Variants in CACNB2 observed in about 807,000 individuals in gnomAD.
CACNB2 encodes calcium voltage-gated channel auxiliary subunit beta 2.
Under a neutral mutation model 73.3 loss-of-function variants are expected in CACNB2, and 42 were observed. That is an observed-to-expected ratio of 0.57 (90% CI 0.45 to 0.74). The LOEUF (loss-of-function observed/expected upper bound fraction) is 0.74. Ranked by LOEUF, CACNB2 falls within the 30% of genes least tolerant of loss-of-function variation. CACNB2 has a pLI of 0.00. For synonymous variants in CACNB2, 348 were observed against 310.3 expected (o/e 1.12, Z -1.28); for missense variants, 940 against 853.0 (o/e 1.10, Z -1.27).
At chr10:18,463,598 G>GT (rs1431867553) in intron 3 of CACNB2, among the ~76,000 whole-genome samples, 1 of 145,182 alleles carries the variant, frequency 6.9e-6, no homozygotes, top group Non-Finnish European at 1.5e-5. Context: ...TTTTTTTGTT[G>GT]TTTTTTGTTT....
At chr10:18,267,757 T>C (rs967755038) in intron 2 of CACNB2, among the ~76,000 whole-genome samples, 2 of 152,228 alleles carry the variant, frequency 1.3e-5, no homozygotes, top group African/African-American at 4.8e-5. Flanking sequence ...TTCAGGGTCA[T>C]GGGACCCTCT....
intron 2 of CACNB2, among the ~76,000 whole-genome samples, chr10:18,153,968 C>T (rs2031821882): frequency 6.6e-6 from 1 of 150,870 alleles, no homozygotes; most frequent in Non-Finnish European, 1.5e-5. Flanking sequence ...AAGTGACTTG[C>T]ATCGACACAT....
chr10:18,151,118 T>C, intron 2 of CACNB2, 143 bp downstream of exon 2: 2 of 649,920 alleles, frequency 3.1e-6, no homozygotes, highest in South Asian at 3.8e-5. Flanking sequence ...CTGTTTAATG[T>C]CATAATTAAA....
intron 13 of CACNB2, 163 bp from the exon 14 acceptor site, chr10:18,539,067 C>T (rs1435458088): frequency 8.2e-6 from 7 of 857,956 alleles, no homozygotes; most frequent in African/African-American, 3.3e-5. Context: ...AGTATAAAGC[C>T]TTATAAATGC....
intron 2 of CACNB2, among the ~76,000 whole-genome samples, chr10:18,343,396 G>A (rs1008643802): frequency 4.6e-5 from 7 of 152,082 alleles, no homozygotes; most frequent in Admixed American, 2.0e-4. Context: ...CAGACTTGAC[G>A]TTGAATACTA....
In CACNB2 at chr10:18,510,513, G is replaced by T. The variant is rs988289071; in HGVS notation, c.671-3723G>T. ...AGACAGGATTTTACCATGTTGGCCA[G>T]GTTGGCCTCGAATTCCTGACCTCAA... On this transcript the variant is annotated intron_variant, in intron 6 of 13. Coordinates refer to ENST00000324631, the MANE Select transcript of CACNB2 (RefSeq NM_201596.3). Among the ~76,000 whole-genome samples the T allele has an allele frequency of 5.3e-5, 8 of 152,176 alleles. No individual in the cohort carries two copies. The East Asian group carries it at 1.5e-3, about 29-fold the overall frequency.
chr10:18,483,672 G>A (rs1041321496), intron 3 of CACNB2, among the ~76,000 whole-genome samples: 1 of 152,216 alleles, frequency 6.6e-6, no homozygotes, highest in East Asian at 1.9e-4. Context: ...TTGCAGTGGA[G>A]AAGAAAGTGA....
chr10:18,423,733 C>T (rs973842817), intron 3 of CACNB2, among the ~76,000 whole-genome samples: 18 of 152,116 alleles, frequency 1.2e-4, no homozygotes, highest in Non-Finnish European at 1.0e-4. Flanking sequence ...ATACAAATGT[C>T]TAATATTCCC....
intron 3 of CACNB2, among the ~76,000 whole-genome samples, chr10:18,466,646 T>C (rs946726745): frequency 1.1e-4 from 16 of 152,194 alleles, no homozygotes; most frequent in Admixed American, 3.9e-4. Flanking sequence ...TGAGAATCCA[T>C]TGTAGATACT....
chr10:18,245,953 A>G (rs1323602957), intron 2 of CACNB2, among the ~76,000 whole-genome samples: 1 of 152,198 alleles, frequency 6.6e-6, no homozygotes, highest in Non-Finnish European at 1.5e-5. Flanking sequence ...CTGGGGAAGG[A>G]GTGAAGAAAT....
chr10:18,358,394 T>G (rs2042005877), intron 2 of CACNB2, among the ~76,000 whole-genome samples: 1 of 152,180 alleles, frequency 6.6e-6, no homozygotes, highest in African/African-American at 2.4e-5. Flanking sequence ...GGCCCATCTA[T>G]TCAATGTATA....
At chr10:18,402,926 C>G (rs1265357814) in intron 3 of CACNB2, among the ~76,000 whole-genome samples, 1 of 152,168 alleles carries the variant, frequency 6.6e-6, no homozygotes, top group Non-Finnish European at 1.5e-5. Flanking sequence ...CCTGCCTCAT[C>G]TCTGAGATGA....
At chr10:18,300,236 G>T (rs1210010088) in intron 2 of CACNB2, among the ~76,000 whole-genome samples, 1 of 152,032 alleles carries the variant, frequency 6.6e-6, no homozygotes, top group African/African-American at 2.4e-5. Context: ...TGGTCAGGCT[G>T]GTCTCAAACT....
chr10:18,160,395 C>T (rs1292484619), intron 2 of CACNB2, among the ~76,000 whole-genome samples: 7 of 152,032 alleles, frequency 4.6e-5, no homozygotes, highest in Non-Finnish European at 1.0e-4. Flanking sequence ...TTCTTCAACT[C>T]TCAGATATGC....
chr10:18,355,382 C>T (rs1420595352), intron 2 of CACNB2, among the ~76,000 whole-genome samples: 2 of 152,092 alleles, frequency 1.3e-5, no homozygotes, highest in Admixed American at 6.6e-5. Context: ...AAAAATGTAT[C>T]GTCGTTTTTT....
chr10:18,539,689 G>GGGGAGT lies in CACNB2; in HGVS notation c.1951_1956dup (p.Glu651_Trp652dup), dbSNP rs1347168882. 6.2e-7 allele frequency: 1 copy of GGGGAGT among 1,612,912 alleles called. No homozygotes were observed. The highest frequency in any genetic ancestry group is 1.1e-5 in the South Asian group (1 of 90,940). ...GATATCAAAAAAACGGAATGAGGCTGGGGAGTGGAACAGGGATGTTTACAT... is the reference window on the plus strand; with the variant it reads ...GATATCAAAAAAACGGAATGAGGCTGGGGAGTGGGAGTGGAACAGGGATGTTTACAT... On this transcript the variant is annotated inframe_insertion, in exon 14 of 14. Coordinates refer to ENST00000324631, the MANE Select transcript of CACNB2 (RefSeq NM_201596.3).
At chr10:18,488,960 C>A (rs865989463) in intron 3 of CACNB2, among the ~76,000 whole-genome samples, 1 of 151,668 alleles carries the variant, frequency 6.6e-6, no homozygotes, top group Non-Finnish European at 1.5e-5. Flanking sequence ...GGTAGATCAC[C>A]TGAGGTCAAG....
chr10:18,507,479 G>A (rs2050554001), intron 6 of CACNB2, among the ~76,000 whole-genome samples: 1 of 152,042 alleles, frequency 6.6e-6, no homozygotes, highest in Non-Finnish European at 1.5e-5. Context: ...ATATTGCATG[G>A]GGCATACTTA....
In CACNB2 at chr10:18,287,001, G is replaced by A. The variant is rs116948795; in HGVS notation, c.214-114923G>A. On this transcript the variant is annotated intron_variant, in intron 2 of 13. Transcript: ENST00000324631. The stretch of plus-strand genomic sequence containing the variant: ...GTCTATGAATAAGTTAAAATTCAAG[G>A]CAAATATGTAAACTAATATAGGCAT... 4.7e-3 allele frequency among the ~76,000 whole-genome samples: 711 copies of A among 152,188 alleles called. 17 individuals carry two copies. In the South Asian group the frequency reaches 0.054, roughly 12 times the overall value.
Sources: allele counts gnomAD v4.1 joint callset (sites outside exome capture counted in the v4.1 genomes callset), GRCh38; gene constraint gnomAD v4.1.1; transcripts MANE v1.5; gene names NCBI Gene and HGNC (gene_info 2026-07-23, HGNC 2026-07-21).